NIBAN2: variants seen among roughly 807,000 people sequenced by gnomAD.
NIBAN2 encodes niban apoptosis regulator 2.
Under a neutral mutation model 81.8 loss-of-function variants are expected in NIBAN2, and 36 were observed. The ratio of observed to expected loss-of-function variants is 0.44; its 90% CI spans 0.34 to 0.58. NIBAN2 has a LOEUF of 0.58. Among genes scored for constraint, NIBAN2 ranks in the 20% least tolerant of loss-of-function variants. NIBAN2 has a pLI of 0.02. For synonymous variants in NIBAN2, 445 were observed against 441.6 expected (o/e 1.01, Z -0.10); for missense variants, 897 against 1,014.1 (o/e 0.88, Z 1.57).
At chr9:127,523,885 GT>G in intron 4 of NIBAN2, 39 bp from the exon 5 acceptor site, 1 of 1,587,372 alleles carries the variant, frequency 6.3e-7, no homozygotes, top group South Asian at 1.1e-5. Context: ...GCCCTCTGTG[GT>G]TGCCCTCCAC....
At chr9:127,543,389 C>T (rs1262543840) in intron 1 of NIBAN2, among the ~76,000 whole-genome samples, 1 of 152,148 alleles carries the variant, frequency 6.6e-6, no homozygotes, top group African/African-American at 2.4e-5. Flanking sequence ...CCCAGGTCAG[C>T]CGGCTGTCAA....
chr9:127,516,792 T>A (rs1007843590), intron 8 of NIBAN2, 65 bp downstream of exon 8: 5 of 1,479,152 alleles, frequency 3.4e-6, no homozygotes, highest in African/African-American at 1.4e-5. Flanking sequence ...ACATGAATCA[T>A]GAAATAAAAA....
chr9:127,552,684 GTT>G (rs919155330), intron 1 of NIBAN2, among the ~76,000 whole-genome samples: 181 of 97,978 alleles, frequency 1.8e-3, no homozygotes, highest in African/African-American at 6.5e-3. Context: ...TGGAATATTC[GTT>G]TTTTTTTTTT....
rs1176998205 is a variant in NIBAN2 at position 127,561,137 on chromosome 9, G to T, written c.55+7683C>A. 6.1e-6 allele frequency: 6 copies of T among 985,374 alleles called. No homozygotes were observed. In the African/African-American group the frequency reaches 7.0e-5, roughly 11 times the overall value. The allele number at this position is 985,374 out of a possible 1,614,324, so 61.0% of individuals were successfully genotyped here. A position where few individuals can be genotyped will look rare whatever the true frequency, so the allele number is the denominator to read the frequency against. ...CAGGCACAGAGTGGATGCTGCTGCG[G>T]AGTGACTGACCTTGCTGGAACCACA... On this transcript the variant is annotated intron_variant, in intron 1 of 13. Transcript: ENST00000373312.
At chr9:127,531,908 C>T (rs41305453) in intron 1 of NIBAN2, 130 bp from the exon 2 acceptor site, 30,406 of 1,213,516 alleles carry the variant, frequency 0.025, 436 homozygotes, top group Non-Finnish European at 0.03. Flanking sequence ...AGGCTCCTCG[C>T]GCTCATCTGC....
chr9:127,540,525 C>T (rs749354572), intron 1 of NIBAN2, among the ~76,000 whole-genome samples: 9 of 152,198 alleles, frequency 5.9e-5, no homozygotes, highest in South Asian at 2.1e-4. Flanking sequence ...CACGTGCCCC[C>T]GATTCTTCAA....
At position 127,508,976 on chromosome 9, in the gene NIBAN2, C is replaced by T. The variant is rs1836673563; in HGVS notation, c.1317G>A (p.Glu439=). 2 of 1,613,510 alleles carry T rather than the reference C, an allele frequency of 1.2e-6. No individual in the cohort carries two copies. Among genetic ancestry groups the T allele is most frequent in the African/African-American group, 1.3e-5 (1 of 74,852 alleles). Residue 439 remains glutamate (E), a splice_region_variant and synonymous_variant, in exon 10 of 14, where the codon GAG becomes GAA. Transcript: ENST00000373312. The surrounding 1 kb of genome is among the most constrained non-coding windows in gnomAD (Gnocchi z 6.4). ...FKQRAQIHMR[E]QMDNAVYTFE... ...GTGGGGGTCGTAGCCTCGGGTCTAC[C>T]TCCCGCATGTGGATCTGGGCTCGCT... is the stretch of plus-strand genomic sequence containing the variant.
rs201981458 is a variant in NIBAN2 at position 127,508,431 on chromosome 9, C to T, written c.1425G>A (p.Arg475=). Residue 475 remains arginine (R), a synonymous_variant, in exon 11 of 14, where the codon CGG becomes CGA. Coordinates refer to ENST00000373312, the MANE Select transcript of NIBAN2 (RefSeq NM_022833.4). The surrounding 1 kb of genome is among the most constrained non-coding windows in gnomAD (Gnocchi z 6.4). ...GCGTGGGGCCGCTCACCTTCAGCAC[C>T]CGCTCCAGGACCCGCTGGATGGACT... ...LCKSIQRVLE[R]VLKKYDYDSS... is the part of the protein sequence containing the mutation. The T allele has an allele frequency of 4.3e-6, 7 of 1,611,104 alleles. No homozygotes were observed. Among genetic ancestry groups the T allele is most frequent in the Non-Finnish European group, 5.9e-6 (7 of 1,179,712 alleles).
At position 127,511,340 on chromosome 9, in the gene NIBAN2, G is replaced by A. The variant is rs563920716; in HGVS notation, c.974-1007C>T. On this transcript the variant is annotated intron_variant, in intron 8 of 13. Coordinates refer to ENST00000373312, the MANE Select transcript of NIBAN2 (RefSeq NM_022833.4). Reference sequence around the variant, plus strand: ...TGGGATTATAGGCGTGAGCCACCGCGCTCAGCCCCCATCAATACTTTTATT... The same window carrying A: ...TGGGATTATAGGCGTGAGCCACCGCACTCAGCCCCCATCAATACTTTTATT... 1.8e-4 allele frequency among the ~76,000 whole-genome samples: 27 copies of A among 151,964 alleles called. 3 individuals are homozygous for A. The South Asian group carries it at 5.2e-3, about 29-fold the overall frequency.
At chr9:127,577,589 A>C in intron 1 of NIBAN2, among the ~76,000 whole-genome samples, 2 of 126,098 alleles carry the variant, frequency 1.6e-5, no homozygotes, top group Non-Finnish European at 3.4e-5. Context: ...CAGATCCAAT[A>C]CCCCACGCTT....
Position 127,517,029 on chromosome 9 carries a change from G to C in NIBAN2, c.811-10C>G, listed in dbSNP as rs201108907. ...ACACGGCGTCCGAGATCTGTGGGCA[G>C]AGCAGCTGAATTGGCACCAGGGCTG... On this transcript the variant is annotated splice_polypyrimidine_tract_variant and intron_variant, in intron 7 of 13. Coordinates refer to ENST00000373312, the MANE Select transcript of NIBAN2 (RefSeq NM_022833.4). This position sits in a 1 kb window ranked among gnomAD's most constrained non-coding sequence, Gnocchi z 4.0. The C allele has an allele frequency of 6.2e-7, 1 of 1,612,554 alleles. No homozygotes were observed. The highest frequency in any genetic ancestry group is 8.5e-7 in the Non-Finnish European group (1 of 1,178,990).
chr9:127,556,946 G>A (rs1837683087), intron 1 of NIBAN2, among the ~76,000 whole-genome samples: 1 of 152,176 alleles, frequency 6.6e-6, no homozygotes, highest in African/African-American at 2.4e-5. Flanking sequence ...ATGTGGTGGT[G>A]CACACCTGGG....
upstream of NIBAN2, among the ~76,000 whole-genome samples, chr9:127,572,017 T>G (rs1837955776): frequency 6.6e-6 from 1 of 152,194 alleles, no homozygotes; most frequent in African/African-American, 2.4e-5. Context: ...TATATCAAAA[T>G]TATACTTCAA....
rs370542607 is a variant in NIBAN2 at position 127,525,134 on chromosome 9, G to A, written c.345C>T (p.Ala115=). Residue 115 remains alanine (A), a synonymous_variant, in exon 4 of 14, where the codon GCC becomes GCT. Coordinates refer to ENST00000373312, the MANE Select transcript of NIBAN2 (RefSeq NM_022833.4). Reference sequence around the variant, plus strand: ...TTTTGTAGCCTGCACTGTTGATGACGGCTCGTGGTGGGACCTGCCGCTCAT... The same window carrying A: ...TTTTGTAGCCTGCACTGTTGATGACAGCTCGTGGTGGGACCTGCCGCTCAT... ...AAYERQVPPR[A]VINSAGYKIL... 77 of 1,614,074 alleles carry A rather than the reference G, an allele frequency of 4.8e-5. No homozygotes were observed. The highest frequency in any genetic ancestry group is 5.8e-5 in the Non-Finnish European group (68 of 1,179,992).
At chr9:127,567,335 G>A (rs937432231) in intron 1 of NIBAN2, among the ~76,000 whole-genome samples, 3 of 152,206 alleles carry the variant, frequency 2.0e-5, no homozygotes, top group South Asian at 2.1e-4. Context: ...GGAAGACTCC[G>A]CCCTGGCCCT....
chr9:127,562,716 G>A (rs1199975560), intron 1 of NIBAN2, among the ~76,000 whole-genome samples: 1 of 152,232 alleles, frequency 6.6e-6, no homozygotes, highest in African/African-American at 2.4e-5. Flanking sequence ...CTTCGACAGG[G>A]AAGTTGACTG....
intron 1 of NIBAN2, among the ~76,000 whole-genome samples, chr9:127,567,602 G>A (rs1209802036): frequency 6.6e-6 from 1 of 152,204 alleles, no homozygotes; most frequent in African/African-American, 2.4e-5. Context: ...GGAGTTAAAG[G>A]ACACCTGGCC....
intron 1 of NIBAN2, among the ~76,000 whole-genome samples, chr9:127,546,974 G>A (rs1040204785): frequency 1.3e-5 from 2 of 151,338 alleles, no homozygotes; most frequent in African/African-American, 4.9e-5. Flanking sequence ...CTAGGGGAGG[G>A]AGGACACCGG....
intron 3 of NIBAN2, among the ~76,000 whole-genome samples, 168 bp from the exon 4 acceptor site, chr9:127,525,331 G>A (rs1356263616): frequency 6.6e-6 from 1 of 152,090 alleles, no homozygotes. Flanking sequence ...TGGTGATTGG[G>A]GCAGTGTGGC....
Sources: gnomAD v4.1 joint callset for allele counts (sites outside exome capture counted in the v4.1 genomes callset) on GRCh38, gnomAD v4.1.1 for gene constraint, Gnocchi (gnomAD v3.1) non-coding constraint, MANE v1.5 for transcripts, NCBI Gene and HGNC (gene_info 2026-07-23, HGNC 2026-07-21) for gene names.